The following CYP4X1 variants were observed in gnomAD, a reference collection of about 807,000 sequenced individuals.
The protein encoded by CYP4X1 is cytochrome P450 4X1.
Under a neutral mutation model 57.9 loss-of-function variants are expected in CYP4X1, and 44 were observed. The ratio of observed to expected loss-of-function variants is 0.76; its 90% CI spans 0.60 to 0.98. The LOEUF (loss-of-function observed/expected upper bound fraction) is 0.98. Among genes scored for constraint, CYP4X1 ranks in the 50% least tolerant of loss-of-function variants. The probability of loss-of-function intolerance (pLI) is 0.00; values close to 1 mark genes in which losing one functional copy is unlikely to be tolerated. For missense variants in CYP4X1, 532 were observed against 623.9 expected (o/e 0.85, Z 1.57); for synonymous variants, 227 against 228.6 (o/e 0.99, Z 0.06).
chr1:47,006,636 C>T, the CYP4X1 span, among the ~76,000 whole-genome samples: 9 of 152,104 alleles, frequency 5.9e-5, no homozygotes, highest in East Asian at 1.9e-4. Flanking sequence ...GGTGAGTCAT[C>T]GCGTCACCCA....
intron 6 of CYP4X1, among the ~76,000 whole-genome samples, 184 bp from the exon 7 acceptor site, chr1:47,038,463 TTTTATTTGTGTTG>T (rs1644209023): frequency 6.6e-6 from 1 of 152,196 alleles, no homozygotes; most frequent in African/African-American, 2.4e-5. Context: ...AAACTATGTT[TTTTATTTGTGTTG>T]TTTATCTTTG....
Position 47,023,763 on chromosome 1 carries a change from G to A in CYP4X1, c.-55G>A. On this transcript the variant is annotated 5_prime_UTR_variant, in exon 1 of 12. Coordinates refer to ENST00000371901, the MANE Select transcript of CYP4X1 (RefSeq NM_178033.2). Reference sequence around the variant, plus strand: ...CTACGCCAGCTCCGGGCGGGAGAAAGCCCACCCTCTCCCGCGCCCCAGGAA... The same window carrying A: ...CTACGCCAGCTCCGGGCGGGAGAAAACCCACCCTCTCCCGCGCCCCAGGAA... 6.3e-7 allele frequency: 1 copy of A among 1,579,226 alleles called. No homozygotes were observed. Among genetic ancestry groups the A allele is most frequent in the Non-Finnish European group, 8.6e-7 (1 of 1,162,060 alleles).
chr1:47,032,539 C>T (rs2148507680), intron 3 of CYP4X1, among the ~76,000 whole-genome samples: 1 of 152,302 alleles, frequency 6.6e-6, no homozygotes, highest in Non-Finnish European at 1.5e-5. Flanking sequence ...TGTAAGCATT[C>T]AATGAATGGT....
chr1:47,043,272 A>T, intron 8 of CYP4X1, among the ~76,000 whole-genome samples: 1 of 152,140 alleles, frequency 6.6e-6, no homozygotes. Context: ...AGAATTGTCT[A>T]TTCATGTCCT....
intron 8 of CYP4X1, among the ~76,000 whole-genome samples, chr1:47,042,119 TG>T (rs1438992725): frequency 6.6e-6 from 1 of 152,122 alleles, no homozygotes; most frequent in Non-Finnish European, 1.5e-5. Context: ...CTCTTTATCC[TG>T]TTTTATTAGT....
chr1:47,037,418 C>T (rs1158875519), intron 6 of CYP4X1, among the ~76,000 whole-genome samples: 1 of 151,844 alleles, frequency 6.6e-6, no homozygotes, highest in African/African-American at 2.4e-5. Flanking sequence ...ATTACAGGCA[C>T]TGCCACCACA....
upstream of CYP4X1, among the ~76,000 whole-genome samples, chr1:47,020,150 C>G (rs1388139798): frequency 6.6e-6 from 1 of 152,198 alleles, no homozygotes; most frequent in East Asian, 1.9e-4. Flanking sequence ...TCCCACAGTC[C>G]AGTTAGCTCA....
the CYP4X1 span, among the ~76,000 whole-genome samples, chr1:46,963,309 G>T: frequency 1.3e-5 from 2 of 152,028 alleles, no homozygotes; most frequent in Non-Finnish European, 2.9e-5. Flanking sequence ...ATGTTAGCTG[G>T]TTATTTTGCT....
intron 4 of CYP4X1, among the ~76,000 whole-genome samples, chr1:47,034,463 C>G (rs1644158295): frequency 6.6e-6 from 1 of 152,200 alleles, no homozygotes; most frequent in Admixed American, 6.5e-5. Flanking sequence ...CACTAATACA[C>G]TTTCATCATA....
At chr1:46,993,163 A>G in the CYP4X1 span, among the ~76,000 whole-genome samples, 2 of 137,396 alleles carry the variant, frequency 1.5e-5, no homozygotes, top group Admixed American at 1.7e-4. Context: ...ATTCCCACCT[A>G]TGAGTGAGAA....
the CYP4X1 span, among the ~76,000 whole-genome samples, chr1:47,003,556 C>G: frequency 6.6e-6 from 1 of 152,140 alleles, no homozygotes; most frequent in South Asian, 2.1e-4. Context: ...ATGCCGGCAA[C>G]TGCTCAGCTT....
At chr1:46,970,678 A>T in the CYP4X1 span, among the ~76,000 whole-genome samples, 2 of 152,222 alleles carry the variant, frequency 1.3e-5, no homozygotes, top group Non-Finnish European at 2.9e-5. Context: ...TTCTGGGAAC[A>T]AGTTGACCAG....
chr1:47,006,396 G>A, the CYP4X1 span, among the ~76,000 whole-genome samples: 4 of 152,160 alleles, frequency 2.6e-5, no homozygotes, highest in Non-Finnish European at 5.9e-5. Flanking sequence ...AAAGCGTTAT[G>A]TTATTAGTGA....
the CYP4X1 span, among the ~76,000 whole-genome samples, chr1:47,013,886 C>T: frequency 6.6e-6 from 1 of 151,664 alleles, no homozygotes; most frequent in African/African-American, 2.4e-5. Context: ...CCTCAGCCTC[C>T]CAAGTAGCTG....
chr1:46,985,729 G>A, the CYP4X1 span, among the ~76,000 whole-genome samples: 6 of 152,212 alleles, frequency 3.9e-5, no homozygotes, highest in African/African-American at 1.4e-4. Context: ...GGCAAACAGG[G>A]TCTGGAGTGG....
the CYP4X1 span, among the ~76,000 whole-genome samples, chr1:46,976,961 A>G: frequency 6.6e-6 from 1 of 152,150 alleles, no homozygotes; most frequent in African/African-American, 2.4e-5. Flanking sequence ...CCAAAACCCC[A>G]TCTGTAGGTC....
chr1:46,973,051 T>A, the CYP4X1 span, among the ~76,000 whole-genome samples: 1 of 152,150 alleles, frequency 6.6e-6, no homozygotes, highest in South Asian at 2.1e-4. Flanking sequence ...CCATTTAGTA[T>A]GATGCTGACT....
chr1:47,034,624 A>T (rs1444037286), intron 4 of CYP4X1, among the ~76,000 whole-genome samples: 1 of 152,132 alleles, frequency 6.6e-6, no homozygotes, highest in African/African-American at 2.4e-5. Flanking sequence ...GTCAGCCAGG[A>T]CTGTGGTAAA....
At chr1:47,040,853 A>G (rs1254876688) in intron 8 of CYP4X1, among the ~76,000 whole-genome samples, 2 of 152,124 alleles carry the variant, frequency 1.3e-5, no homozygotes, top group Non-Finnish European at 1.5e-5. Flanking sequence ...ACAAATTGTT[A>G]GTAACTCCAA....
Sources: allele counts gnomAD v4.1 joint callset (sites outside exome capture counted in the v4.1 genomes callset), GRCh38; gene constraint gnomAD v4.1.1; transcripts MANE v1.5; gene names NCBI Gene and HGNC (gene_info 2026-07-23, HGNC 2026-07-21).